SHC2: variants seen among roughly 807,000 people sequenced by gnomAD.
The protein encoded by SHC2 is SHC-transforming protein 2.
A neutral mutation model predicts 60.6 loss-of-function variants in SHC2; 62 were observed. The ratio of observed to expected loss-of-function variants is 1.02; its 90% confidence interval spans 0.83 to 1.26. The LOEUF (loss-of-function observed/expected upper bound fraction) is 1.26. Ranked by LOEUF, SHC2 falls within the 50% of genes most tolerant of loss-of-function variation. SHC2 has a pLI of 0.00. For missense variants in SHC2, 873 were observed against 822.2 expected, an observed-to-expected ratio of 1.06 and a Z score of -0.76; for synonymous variants, 375 against 372.4, an observed-to-expected ratio of 1.01 and a Z score of -0.08.
rs551909108 is a variant in SHC2, at chr19:452,836, C to A, written c.468+7693G>T. Among the ~76,000 whole-genome samples, 27 of 152,330 alleles carry A rather than the reference C, an allele frequency of 1.8e-4. No homozygotes were observed. The South Asian group carries it at 5.6e-3, about 32-fold the overall frequency. ...TCCAAGCCCCCCAGAGTCTCTGACCCAGCAGGTCTGGGGTGGGGCTCGAGA... is the reference window on the plus strand; with the variant it reads ...TCCAAGCCCCCCAGAGTCTCTGACCAAGCAGGTCTGGGGTGGGGCTCGAGA... On this transcript the variant is annotated intron_variant, in intron 1 of 12. Transcript: ENST00000264554.
intron 1 of SHC2, among the ~76,000 whole-genome samples, chr19:455,477 G>A (rs531644864): frequency 7.9e-5 from 12 of 152,364 alleles, no homozygotes; most frequent in East Asian, 1.9e-4. Context: ...CATTTGCACC[G>A]ATGCTGCCCA....
chr19:448,327 C>T (rs914839547), intron 1 of SHC2, among the ~76,000 whole-genome samples: 5 of 152,198 alleles, frequency 3.3e-5, no homozygotes, highest in East Asian at 1.9e-4. Context: ...GGCAGGGCCT[C>T]GCTCCCTCTG....
rs907461274 is a variant in SHC2, at chr19:426,876, C to T, written c.1175-1645G>A. Among the ~76,000 whole-genome samples, 51 of 151,958 alleles carry T rather than the reference C, an allele frequency of 3.4e-4. 1 individual carries two copies. The highest frequency in any genetic ancestry group is 2.8e-4 in the Non-Finnish European group (19 of 67,974). ...AGGGGCAGAGTCCGGGGAGGGAGGA[C>T]GACAGTGCGAGACGCAGGCGGGTGG... On this transcript the variant is annotated intron_variant, in intron 9 of 12. Transcript: ENST00000264554.
At chr19:452,595 G>C (rs4919817) in intron 1 of SHC2, among the ~76,000 whole-genome samples, 3 of 149,744 alleles carry the variant, frequency 2.0e-5, no homozygotes, top group Non-Finnish European at 4.5e-5. Context: ...GCGTTTCTCC[G>C]TTTCACTGCG....
intron 9 of SHC2, among the ~76,000 whole-genome samples, chr19:427,800 A>G (rs541239841): frequency 3.9e-4 from 38 of 96,510 alleles, no homozygotes; most frequent in African/African-American, 1.5e-3. Context: ...GGGACGGCGC[A>G]CAGCACACGG....
rs534265969 is a variant in SHC2 at position 425,308 on chromosome 19, C to T, written c.1175-77G>A. On this transcript the variant is annotated intron_variant, in intron 9 of 12. Coordinates refer to ENST00000264554, the MANE Select transcript of SHC2 (RefSeq NM_012435.3). The surrounding 1 kb of genome is among the most constrained non-coding windows in gnomAD (Gnocchi z 4.1). The stretch of plus-strand genomic sequence containing the variant: ...TCGCAGGGAGCAAGGCGGGGTCCCA[C>T]GAGGAGCTCCCCCGGCCACCACCTG... The T allele has an allele frequency of 2.5e-6, 3 of 1,188,450 alleles. No individual in the cohort carries two copies. The highest frequency in any genetic ancestry group is 3.0e-5 in the East Asian group (1 of 33,554). 73.6% of individuals were successfully genotyped at this position (1,188,450 alleles called of 1,614,324 possible).
In SHC2 at chr19:438,818, G is replaced by A. The variant is rs756511757; in HGVS notation, c.620C>T (p.Ala207Val). 7.6e-6 allele frequency: 12 copies of A among 1,570,714 alleles called. No homozygotes were observed. The highest frequency in any genetic ancestry group is 2.7e-5 in the African/African-American group (2 of 73,810). Residue 207 changes from alanine (A) to valine (V), a missense_variant, in exon 4 of 13, where the codon GCG (alanine) becomes GTG (valine). Transcript: ENST00000264554. The surrounding 1 kb of genome is among the most constrained non-coding windows in gnomAD (Gnocchi z 5.0). Reference sequence around the variant, plus strand: ...AAGGTTGCTCTTGCCCAGGACGGACGCCAGGGCCTTGTTGGGGGCCTGAGT... The same window carrying A: ...AAGGTTGCTCTTGCCCAGGACGGACACCAGGGCCTTGTTGGGGGCCTGAGT... ...WKKKAPNKALASVLGKSNLRF... is the reference protein window; with the variant it reads ...WKKKAPNKALVSVLGKSNLRF...
chr19:438,743 C>T lies in SHC2; in HGVS notation c.695G>A (p.Ser232Asn). 6.4e-7 allele frequency: 1 copy of T among 1,567,740 alleles called. No individual in the cohort carries two copies. The highest frequency in any genetic ancestry group is 8.6e-7 in the Non-Finnish European group (1 of 1,157,568). Residue 232 changes from serine (S) to asparagine (N), a missense_variant, in exon 4 of 13, where the codon AGC becomes AAC. Coordinates refer to ENST00000264554, the MANE Select transcript of SHC2 (RefSeq NM_012435.3). This position sits in a 1 kb window ranked among gnomAD's most constrained non-coding sequence, Gnocchi z 5.0. ...CTGGCGCGTGGCAGGCACGGAGAGG[C>T]TGAGGCCATCAGTGGAGATGTGGAT... ...ISIHISTDGL[S>N]LSVPATRQVI...
intron 12 of SHC2, among the ~76,000 whole-genome samples, chr19:418,688 G>A (rs1974205164): frequency 6.6e-6 from 1 of 152,190 alleles, no homozygotes; most frequent in South Asian, 2.1e-4. Context: ...GATGTGTGGG[G>A]TTGGAGCTGG....
At chr19:429,681 A>C (rs35467290) in intron 9 of SHC2, among the ~76,000 whole-genome samples, 1 of 141,246 alleles carries the variant, frequency 7.1e-6, no homozygotes, top group Non-Finnish European at 1.5e-5. Context: ...TGGATGACGC[A>C]GTACCTATAC....
intron 12 of SHC2, 94 bp downstream of exon 12, chr19:418,829 A>G (rs1974208672): frequency 1.6e-5 from 23 of 1,418,108 alleles, no homozygotes; most frequent in Non-Finnish European, 2.2e-5. Context: ...TCTAGAGGGA[A>G]AGGCACGGCA....
At position 422,237 on chromosome 19, in the gene SHC2, C is replaced by T. The variant is rs1301908480; in HGVS notation, c.1529G>A (p.Arg510Gln). Residue 510 changes from arginine to glutamine, a missense_variant, in exon 11 of 13, where the codon CGA becomes CAA. Coordinates refer to ENST00000264554, the MANE Select transcript of SHC2 (RefSeq NM_012435.3). This position sits in a 1 kb window ranked among gnomAD's most constrained non-coding sequence, Gnocchi z 5.0. Reference protein sequence around the residue: ...MLRADGDFLVRDSVTNPGQYV... With the variant: ...MLRADGDFLVQDSVTNPGQYV... ...CTGCCCGGGGTTGGTGACGCTGTCT[C>T]GCACAAGGAAGTCCCCGTCAGCTCG... 7 of 1,612,334 alleles carry T rather than the reference C, an allele frequency of 4.3e-6. No individual in the cohort carries two copies. Among genetic ancestry groups the T allele is most frequent in the South Asian group, 1.1e-5 (1 of 90,976 alleles).
rs1269526978 is a variant in SHC2, at chr19:424,527, G to A, written c.1309+570C>T. The stretch of plus-strand genomic sequence containing the variant: ...GCCGGGATTCCCACAGAGAAAAGAC[G>A]AGGCCTCCCCTCTCAGACTAAGGAG... On this transcript the variant is annotated intron_variant, in intron 10 of 12. Coordinates refer to ENST00000264554, the MANE Select transcript of SHC2 (RefSeq NM_012435.3). This position sits in a 1 kb window ranked among gnomAD's most constrained non-coding sequence, Gnocchi z 4.5. Among the ~76,000 whole-genome samples the A allele has an allele frequency of 2.6e-5, 4 of 152,172 alleles. No homozygotes were observed. Among genetic ancestry groups the A allele is most frequent in the South Asian group, 2.1e-4 (1 of 4,824 alleles).
In SHC2 at chr19:422,454, G is replaced by C; in HGVS notation, c.1312C>G (p.Pro438Ala). The C allele has an allele frequency of 6.5e-7, 1 of 1,540,002 alleles. No homozygotes were observed. Among genetic ancestry groups the C allele is most frequent in the Non-Finnish European group, 8.8e-7 (1 of 1,141,142 alleles). Residue 438 changes from proline to alanine, a missense_variant and splice_region_variant, in exon 11 of 13, where the codon CCC becomes GCC. Physicochemically the swap from Pro to Ala is conservative, Grantham distance 27. Transcript: ENST00000264554. This position sits in a 1 kb window ranked among gnomAD's most constrained non-coding sequence, Gnocchi z 5.0. ...TGCAACTTCAGGGCATCCTCAAAGG[G>C]TCCTGCAGGCCAGGGACAGGAGTGC... ...SPKKDLFDMR[P>A]FEDALKLHEC...
At chr19:454,658 C>T (rs147223998) in intron 1 of SHC2, among the ~76,000 whole-genome samples, 1,706 of 152,270 alleles carry the variant, frequency 0.011, 42 homozygotes, top group African/African-American at 0.039. Flanking sequence ...AGCATGGTGG[C>T]GGGCGCCTGT....
intron 8 of SHC2, among the ~76,000 whole-genome samples, chr19:434,380 A>G (rs1009239473): frequency 1.3e-3 from 2 of 1,530 alleles, no homozygotes; most frequent in African/African-American, 6.1e-3. Context: ...GAGTGAGATG[A>G]TGAGTCTGAG....
intron 1 of SHC2, among the ~76,000 whole-genome samples, chr19:451,448 G>C (rs1257916347): frequency 6.6e-6 from 1 of 152,234 alleles, no homozygotes; most frequent in Non-Finnish European, 1.5e-5. Context: ...CAGACACCTG[G>C]ACTGTTTCCA....
chr19:430,324 G>A (rs541632296), intron 9 of SHC2, among the ~76,000 whole-genome samples: 1 of 151,148 alleles, frequency 6.6e-6, no homozygotes, highest in Non-Finnish European at 1.5e-5. Context: ...GGATGACGCG[G>A]CACCTATATC....
rs547686815 is a variant in SHC2 at position 422,573 on chromosome 19, G to A, written c.1310-117C>T. On this transcript the variant is annotated intron_variant, in intron 10 of 12. Transcript: ENST00000264554. The surrounding 1 kb of genome is among the most constrained non-coding windows in gnomAD (Gnocchi z 5.0). ...GTCCCTCGTGCACCCGTCGGCCTGC[G>A]CTGACCGAGCGCCCACAGCGTATCA... The A allele has an allele frequency of 9.6e-6, 8 of 829,196 alleles. No individual in the cohort carries two copies. The highest frequency in any genetic ancestry group is 5.4e-5 in the East Asian group (2 of 37,198). 51.4% of individuals were successfully genotyped at this position (829,196 alleles called of 1,614,324 possible).
Sources: gnomAD v4.1 joint callset for allele counts (sites outside exome capture counted in the v4.1 genomes callset) on GRCh38, gnomAD v4.1.1 for gene constraint, Gnocchi (gnomAD v3.1) non-coding constraint, MANE v1.5 for transcripts, NCBI Gene and HGNC (gene_info 2026-07-23, HGNC 2026-07-21) for gene names.